The following ADCY2 variants were observed in gnomAD, a reference collection of about 807,000 sequenced individuals.
The protein encoded by ADCY2 is adenylate cyclase type 2.
A neutral mutation model predicts 125.2 loss-of-function variants in ADCY2; 31 were observed. The observed-to-expected ratio is 0.25, with a 90% CI of 0.19 to 0.33. ADCY2 has a LOEUF of 0.33. Ranked by LOEUF, ADCY2 falls within the 10% of genes least tolerant of loss-of-function variation. The pLI, the probability that ADCY2 is intolerant of heterozygous loss-of-function variation, is 1.00. For synonymous variants in ADCY2, 512 were observed against 548.4 expected (o/e 0.93, Z 0.93); for missense variants, 904 against 1,418.2 (o/e 0.64, Z 5.82).
rs549346695 is a variant in ADCY2 at position 7,695,916 on chromosome 5, G to A, written c.981+53G>A. 4.0e-5 allele frequency: 49 copies of A among 1,237,936 alleles called. No homozygotes were observed. In the Admixed American group the frequency reaches 7.4e-4, roughly 19 times the overall value. 76.7% of individuals were successfully genotyped at this position (1,237,936 alleles called of 1,614,324 possible). On this transcript the variant is annotated intron_variant, in intron 6 of 24. Coordinates refer to ENST00000338316, the MANE Select transcript of ADCY2 (RefSeq NM_020546.3). ...TGAAGATTTCTAAACTCTTGGTTTC[G>A]TTTTTCTTCATCCACCTATCAATAG...
chr5:7,487,950 A>G (rs1231265343), intron 2 of ADCY2, among the ~76,000 whole-genome samples: 1 of 152,188 alleles, frequency 6.6e-6, no homozygotes, highest in Non-Finnish European at 1.5e-5. Flanking sequence ...TGTGTATTCA[A>G]AACACACATC....
At chr5:7,816,805 G>C in intron 22 of ADCY2, 61 bp from the exon 23 acceptor site, 1 of 1,400,654 alleles carries the variant, frequency 7.1e-7, no homozygotes, top group Non-Finnish European at 1.0e-6. Flanking sequence ...TTGGGACAAA[G>C]GGGAACAGTT....
rs139143487 is a variant in ADCY2, at chr5:7,556,595, G to A, written c.570+35696G>A. On this transcript the variant is annotated intron_variant, in intron 3 of 24. Coordinates refer to ENST00000338316, the MANE Select transcript of ADCY2 (RefSeq NM_020546.3). The stretch of plus-strand genomic sequence containing the variant: ...TTCCATTATGGCTTATGCTTTTGAG[G>A]GAACTTTAGACCAGGGGTCCCTGTC... 3.3e-3 allele frequency among the ~76,000 whole-genome samples: 507 copies of A among 152,232 alleles called. 8 individuals carry two copies. The highest frequency in any genetic ancestry group is 0.012 in the African/African-American group (485 of 41,538).
At chr5:7,539,562 A>G (rs1378581238) in intron 3 of ADCY2, among the ~76,000 whole-genome samples, 1 of 152,202 alleles carries the variant, frequency 6.6e-6, no homozygotes, top group South Asian at 2.1e-4. Context: ...TTAAAGTAAT[A>G]TTGGGTCTTT....
Position 7,789,807 on chromosome 5 carries a change from C to T in ADCY2, c.2628+7C>T. On this transcript the variant is annotated splice_region_variant and intron_variant, in intron 20 of 24. Transcript: ENST00000338316. ...CAGGAGCCTGAAGAATGAGGTCAGACCAGGGGGGCTGGGGGCTGGGGGAGG... is the reference window on the plus strand; with the variant it reads ...CAGGAGCCTGAAGAATGAGGTCAGATCAGGGGGGCTGGGGGCTGGGGGAGG... 1.3e-6 allele frequency: 2 copies of T among 1,535,980 alleles called. No homozygotes were observed. The highest frequency in any genetic ancestry group is 1.7e-6 in the Non-Finnish European group (2 of 1,147,486).
At chr5:7,746,677 C>G (rs1012841955) in intron 15 of ADCY2, among the ~76,000 whole-genome samples, 1 of 152,166 alleles carries the variant, frequency 6.6e-6, no homozygotes, top group African/African-American at 2.4e-5. Flanking sequence ...TTAAAGAGTA[C>G]TCAATACCCG....
chr5:7,676,071 A>T (rs1374414086), intron 4 of ADCY2, among the ~76,000 whole-genome samples: 1 of 152,188 alleles, frequency 6.6e-6, no homozygotes, highest in African/African-American at 2.4e-5. Context: ...AAAACAAGAT[A>T]CTCTATTCTG....
At chr5:7,589,511 A>AAAGAGAAAGAAAG (rs757777978) in intron 3 of ADCY2, among the ~76,000 whole-genome samples, 21 of 110,368 alleles carry the variant, frequency 1.9e-4, no homozygotes, top group African/African-American at 3.0e-4. Context: ...AGAAAGAAAG[A>AAAGAGAAAGAAAG]AAAGAAAAGA....
In ADCY2 at chr5:7,727,346, G is replaced by A. The variant is rs1741963610; in HGVS notation, c.1871+85G>A. The A allele has an allele frequency of 2.6e-6, 3 of 1,156,266 alleles. No individual in the cohort carries two copies. The Admixed American group carries it at 5.6e-5, about 21-fold the overall frequency. 71.6% of individuals were successfully genotyped at this position (1,156,266 alleles called of 1,614,324 possible). ...GTTATATTTAAAGGTGTGAAAGGATGCTAATGTTTAGACAGAGGGGTGATT... is the reference window on the plus strand; with the variant it reads ...GTTATATTTAAAGGTGTGAAAGGATACTAATGTTTAGACAGAGGGGTGATT... On this transcript the variant is annotated intron_variant, in intron 14 of 24. Transcript: ENST00000338316.
chr5:7,501,594 A>G (rs887675123), intron 2 of ADCY2, among the ~76,000 whole-genome samples: 3 of 136,866 alleles, frequency 2.2e-5, no homozygotes, highest in Non-Finnish European at 4.7e-5. Flanking sequence ...TGATAATGAC[A>G]TAGGATTAGA....
intron 24 of ADCY2, among the ~76,000 whole-genome samples, chr5:7,826,284 T>G (rs1300528414): frequency 6.6e-6 from 1 of 152,200 alleles, no homozygotes. Flanking sequence ...TTCATGACAA[T>G]GTATAAACAT....
intron 3 of ADCY2, among the ~76,000 whole-genome samples, chr5:7,621,771 T>C (rs562044959): frequency 6.6e-6 from 1 of 152,292 alleles, no homozygotes; most frequent in South Asian, 2.1e-4. Context: ...TTAATTTGCA[T>C]CCTCTGAGAA....
At position 7,725,463 on chromosome 5, in the gene ADCY2, G is replaced by GT. The variant is rs544305851; in HGVS notation, c.1773+859dup. Among the ~76,000 whole-genome samples the GT allele has an allele frequency of 1.8e-3, 265 of 149,486 alleles. 2 individuals carry two copies. The highest frequency in any genetic ancestry group is 5.9e-3 in the African/African-American group (242 of 40,724). ...CCAAAATCTATGGACACACCAAAAGGTTTTTTTTTTATGTTGGTGGTCAAG... is the reference window on the plus strand; with the variant it reads ...CCAAAATCTATGGACACACCAAAAGGTTTTTTTTTTTATGTTGGTGGTCAAG... On this transcript the variant is annotated intron_variant, in intron 13 of 24. Transcript: ENST00000338316.
chr5:7,532,282 A>AAG (rs899416419), intron 3 of ADCY2, among the ~76,000 whole-genome samples: 1 of 152,108 alleles, frequency 6.6e-6, no homozygotes, highest in Non-Finnish European at 1.5e-5. Flanking sequence ...AAGAGAAAGA[A>AAG]AGAGAGAGAG....
chr5:7,733,491 A>C (rs1361008938), intron 14 of ADCY2, among the ~76,000 whole-genome samples: 3 of 152,188 alleles, frequency 2.0e-5, no homozygotes, highest in Non-Finnish European at 2.9e-5. Context: ...GGGCAGGCAC[A>C]GGTTGGGGAG....
chr5:7,727,313 G>A (rs2126401233), intron 14 of ADCY2, 52 bp downstream of exon 14: 1 of 1,409,130 alleles, frequency 7.1e-7, no homozygotes, highest in East Asian at 2.3e-5. Flanking sequence ...CCTTTCCACT[G>A]GAGCCCAGTT....
intron 4 of ADCY2, among the ~76,000 whole-genome samples, chr5:7,665,718 T>C (rs1035955394): frequency 5.9e-5 from 9 of 152,060 alleles, no homozygotes; most frequent in Non-Finnish European, 1.2e-4. Flanking sequence ...TCTCCTGCTC[T>C]TTTTCCTTGT....
chr5:7,782,261 G>A (rs980688743), intron 18 of ADCY2: 11 of 167,224 alleles, frequency 6.6e-5, no homozygotes, highest in African/African-American at 2.6e-4. Flanking sequence ...CAAGATCTGG[G>A]AGATGGGTGA....
chr5:7,422,478 A>G (rs985818790), intron 2 of ADCY2, among the ~76,000 whole-genome samples: 1 of 152,142 alleles, frequency 6.6e-6, no homozygotes, highest in Non-Finnish European at 1.5e-5. Flanking sequence ...ATGGGCTTAA[A>G]GAGCCATCAG....
Sources: allele counts gnomAD v4.1 joint callset (sites outside exome capture counted in the v4.1 genomes callset), GRCh38; gene constraint gnomAD v4.1.1; transcripts MANE v1.5; gene names NCBI Gene and HGNC (gene_info 2026-07-23, HGNC 2026-07-21).